The following PARD3B variants were observed in gnomAD, a reference collection of about 807,000 sequenced individuals.
The protein encoded by PARD3B is par-3 family cell polarity regulator beta.
A neutral mutation model predicts 130.2 loss-of-function variants in PARD3B; 103 were observed. The ratio of observed to expected loss-of-function variants is 0.79; its 90% confidence interval spans 0.67 to 0.93. The LOEUF (loss-of-function observed/expected upper bound fraction) is 0.93. Ranked by LOEUF, PARD3B falls within the 40% of genes least tolerant of loss-of-function variation. The pLI is 0.00. For missense variants in PARD3B, 1,609 were observed against 1,499.2 expected (o/e 1.07, Z -1.21); for synonymous variants, 583 against 553.2 (o/e 1.05, Z -0.76).
intron 2 of PARD3B, among the ~76,000 whole-genome samples, chr2:204,757,946 A>T (rs1365609740): frequency 6.6e-6 from 1 of 152,210 alleles, no homozygotes; most frequent in African/African-American, 2.4e-5. Context: ...TAAAGTTTAC[A>T]AGTATTTAAT....
At chr2:205,408,469 T>C (rs912821865) in intron 19 of PARD3B, among the ~76,000 whole-genome samples, 1 of 152,140 alleles carries the variant, frequency 6.6e-6, no homozygotes, top group East Asian at 1.9e-4. Flanking sequence ...TTTGTTCATA[T>C]TGAAAAATGA....
intron 3 of PARD3B, among the ~76,000 whole-genome samples, chr2:205,044,108 G>C (rs1489018526): frequency 7.2e-5 from 11 of 151,942 alleles, no homozygotes; most frequent in Non-Finnish European, 1.3e-4. Context: ...TTTCCAATTT[G>C]ATCCATGTCC....
chr2:204,965,548 G>A (rs1476248892), intron 3 of PARD3B, among the ~76,000 whole-genome samples: 2 of 152,076 alleles, frequency 1.3e-5, no homozygotes, highest in South Asian at 2.1e-4. Flanking sequence ...GTATGCCCTC[G>A]AAGTAACACG....
At chr2:205,399,098 G>A (rs576727011) in intron 18 of PARD3B, among the ~76,000 whole-genome samples, 47 of 151,908 alleles carry the variant, frequency 3.1e-4, no homozygotes, top group African/African-American at 9.9e-4. Flanking sequence ...GTGAAACCCC[G>A]TCTCTACTAA....
At chr2:204,702,795 C>T (rs1229525221) in intron 2 of PARD3B, among the ~76,000 whole-genome samples, 1 of 152,066 alleles carries the variant, frequency 6.6e-6, no homozygotes, top group Non-Finnish European at 1.5e-5. Context: ...AGGCTGGTTT[C>T]AAACTCATGA....
chr2:204,844,647 C>A (rs1008959295), intron 2 of PARD3B, among the ~76,000 whole-genome samples: 5 of 152,072 alleles, frequency 3.3e-5, no homozygotes, highest in Non-Finnish European at 4.4e-5. Flanking sequence ...TAGTGACTTG[C>A]ATGTGAATAG....
chr2:204,668,259 A>G (rs1249959371), intron 1 of PARD3B, among the ~76,000 whole-genome samples: 4 of 152,226 alleles, frequency 2.6e-5, no homozygotes, highest in South Asian at 2.1e-4. Flanking sequence ...CCCAGCTGGC[A>G]TCTGTTCTGA....
chr2:205,009,649 C>T (rs1379912668), intron 3 of PARD3B, among the ~76,000 whole-genome samples: 2 of 145,432 alleles, frequency 1.4e-5, no homozygotes, highest in Non-Finnish European at 3.0e-5. Context: ...CCAGCCTGGG[C>T]CACAGAGCGA....
chr2:205,002,619 C>T (rs560117765), intron 3 of PARD3B, among the ~76,000 whole-genome samples: 7 of 152,268 alleles, frequency 4.6e-5, no homozygotes, highest in South Asian at 2.1e-4. Context: ...CATCCTCTCG[C>T]GCTCTGATGT....
At chr2:205,456,516 G>C (rs182043806) in intron 20 of PARD3B, among the ~76,000 whole-genome samples, 1 of 152,126 alleles carries the variant, frequency 6.6e-6, no homozygotes, top group Admixed American at 6.6e-5. Context: ...TGTACTGTTA[G>C]CTATAAGTTT....
chr2:205,557,536 C>CATGATTAT (rs1390901967), intron 22 of PARD3B, among the ~76,000 whole-genome samples: 4 of 152,176 alleles, frequency 2.6e-5, no homozygotes, highest in African/African-American at 9.7e-5. Flanking sequence ...GGAGTCAGGC[C>CATGATTAT]ATGATTATAG....
chr2:205,126,814 TA>T (rs896996715), intron 10 of PARD3B, among the ~76,000 whole-genome samples: 19 of 142,544 alleles, frequency 1.3e-4, no homozygotes, highest in African/African-American at 4.8e-4. Context: ...AAAATGTTCA[TA>T]ATCTAATACT....
chr2:204,875,123 A>C (rs537859849), intron 2 of PARD3B, among the ~76,000 whole-genome samples: 1 of 152,260 alleles, frequency 6.6e-6, no homozygotes, highest in East Asian at 1.9e-4. Flanking sequence ...CATACCAAGA[A>C]GTTTTCCCAT....
At chr2:204,589,409 G>A (rs951517779) in intron 1 of PARD3B, among the ~76,000 whole-genome samples, 2 of 152,196 alleles carry the variant, frequency 1.3e-5, no homozygotes, top group Non-Finnish European at 2.9e-5. Context: ...TCACTGTGCC[G>A]ATTTTGAACT....
intron 1 of PARD3B, among the ~76,000 whole-genome samples, chr2:204,661,804 C>T (rs1477202889): frequency 6.6e-6 from 1 of 152,032 alleles, no homozygotes; most frequent in Non-Finnish European, 1.5e-5. Context: ...TTTACATTTT[C>T]ACAGATTTCT....
At chr2:204,954,851 G>GT (rs1335774960) in intron 2 of PARD3B, among the ~76,000 whole-genome samples, 3 of 152,310 alleles carry the variant, frequency 2.0e-5, no homozygotes, top group East Asian at 1.9e-4. Flanking sequence ...GTAAGATACT[G>GT]TTTTTTCTAT....
At chr2:204,624,617 A>C (rs2034423173) in intron 1 of PARD3B, among the ~76,000 whole-genome samples, 1 of 152,170 alleles carries the variant, frequency 6.6e-6, no homozygotes, top group South Asian at 2.1e-4. Flanking sequence ...TAGTTTGTTT[A>C]ACCATTCACC....
rs896051342 is a variant in PARD3B, at chr2:205,146,474, C to A, written c.1435-12248C>A. Reference sequence around the variant, plus strand: ...ACCATCCTGGCTAACACGGCAAAACCCCGTCTCTACTAAAAATACAAAAAC... The same window carrying A: ...ACCATCCTGGCTAACACGGCAAAACACCGTCTCTACTAAAAATACAAAAAC... On this transcript the variant is annotated intron_variant, in intron 10 of 22. Transcript: ENST00000406610. The surrounding 1 kb of genome is among the most constrained non-coding windows in gnomAD (Gnocchi z 4.3). 4.6e-5 allele frequency among the ~76,000 whole-genome samples: 7 copies of A among 151,796 alleles called. No homozygotes were observed. The highest frequency in any genetic ancestry group is 1.0e-4 in the Non-Finnish European group (7 of 67,994).
chr2:205,340,800 T>G (rs532215714), intron 18 of PARD3B, among the ~76,000 whole-genome samples: 2 of 152,056 alleles, frequency 1.3e-5, no homozygotes, highest in African/African-American at 2.4e-5. Context: ...ATCAACAGAG[T>G]GAAGAGGCCA....
Sources: gnomAD v4.1 joint callset for allele counts (sites outside exome capture counted in the v4.1 genomes callset) on GRCh38, gnomAD v4.1.1 for gene constraint, Gnocchi (gnomAD v3.1) non-coding constraint, MANE v1.5 for transcripts, NCBI Gene and HGNC (gene_info 2026-07-23, HGNC 2026-07-21) for gene names.